The following CRYBG2 variants were observed in gnomAD, a reference collection of about 807,000 sequenced individuals.
The protein encoded by CRYBG2 is beta/gamma crystallin domain-containing protein 2.
CRYBG2 carries 106 observed loss-of-function variants against 153.4 expected under a neutral mutation model. The ratio of observed to expected loss-of-function variants is 0.69; its 90% CI spans 0.59 to 0.81. CRYBG2 has a LOEUF of 0.81. Ranked by LOEUF, CRYBG2 falls within the 30% of genes least tolerant of loss-of-function variation. The probability of loss-of-function intolerance (pLI) is 0.00; values close to 1 mark genes in which losing one functional copy is unlikely to be tolerated. For missense variants in CRYBG2, 1,996 were observed against 2,112.0 expected, an observed-to-expected ratio of 0.95 and a Z score of 1.08; for synonymous variants, 851 against 877.8, an observed-to-expected ratio of 0.97 and a Z score of 0.54.
chr1:26,337,212 G>A, intron 10 of CRYBG2, 41 bp downstream of exon 10: 1 of 1,611,622 alleles, frequency 6.2e-7, no homozygotes, highest in Non-Finnish European at 8.5e-7. Context: ...AGGTCTGGCT[G>A]TGGCCAGAGG....
chr1:26,332,274 TC>T (rs2074005432), intron 14 of CRYBG2, among the ~76,000 whole-genome samples: 1 of 123,048 alleles, frequency 8.1e-6, no homozygotes, highest in Non-Finnish European at 1.6e-5. Context: ...GCCACTACAC[TC>T]CAGCCTGGGC....
At position 26,344,159 on chromosome 1, in the gene CRYBG2, T is replaced by TTCC. The variant is rs199784730; in HGVS notation, c.2496_2498dup (p.Glu833dup). 0.01 allele frequency: 15,897 copies of TTCC among 1,535,088 alleles called. 91 individuals are homozygous for TTCC. Among genetic ancestry groups the TTCC allele is most frequent in the Non-Finnish European group, 0.013 (14,398 of 1,146,098 alleles). ...CGTCACTCAGATAGGGGTTCTCTGG[T>TTCC]TCCTCCTCCTCCTCCTCCTCTTTCT... is the stretch of plus-strand genomic sequence containing the variant. On this transcript the variant is annotated inframe_insertion, in exon 2 of 20. Coordinates refer to ENST00000308182, the MANE Select transcript of CRYBG2 (RefSeq NM_001039775.4).
intron 1 of CRYBG2, among the ~76,000 whole-genome samples, chr1:26,349,241 G>A (rs1030419488): frequency 6.6e-6 from 1 of 152,128 alleles, no homozygotes; most frequent in Non-Finnish European, 1.5e-5. Context: ...GGCTTTACAA[G>A]GCACTCTTCC....
chr1:26,346,771 C>G lies in CRYBG2; in HGVS notation c.-55-59G>C, dbSNP rs1019800187. On this transcript the variant is annotated intron_variant, in intron 1 of 19. Transcript: ENST00000308182. The surrounding 1 kb of genome is among the most constrained non-coding windows in gnomAD (Gnocchi z 4.9). ...GTGGTGAGAGTGGCTTCCTAAAGTG[C>G]AGAATAACCACCCCTACCCAAGTCA... 3 of 1,167,848 alleles carry G rather than the reference C, an allele frequency of 2.6e-6. No homozygotes were observed. Among genetic ancestry groups the G allele is most frequent in the African/African-American group, 1.6e-5 (1 of 64,218 alleles). 72.3% of individuals were successfully genotyped at this position (1,167,848 alleles called of 1,614,324 possible).
In CRYBG2 at chr1:26,331,599, T is replaced by C; in HGVS notation, c.4204A>G (p.Thr1402Ala). The C allele has an allele frequency of 6.2e-7, 1 of 1,613,908 alleles. No individual in the cohort carries two copies. The highest frequency in any genetic ancestry group is 1.1e-5 in the South Asian group (1 of 91,080). ...HGGSWILFDE[T>A]NFEGDQHILS... ...ATGTGCTGGTCACCCTCGAAGTTCGTCTCATCAAACAGGATCCAGCTAGGG... is the reference window on the plus strand; with the variant it reads ...ATGTGCTGGTCACCCTCGAAGTTCGCCTCATCAAACAGGATCCAGCTAGGG... Residue 1402 changes from threonine to alanine, a missense_variant, in exon 15 of 20, where the codon ACG (threonine) becomes GCG (alanine). Physicochemically the swap from Thr to Ala is moderately conservative, Grantham distance 58. Coordinates refer to ENST00000308182, the MANE Select transcript of CRYBG2 (RefSeq NM_001039775.4).
At position 26,336,614 on chromosome 1, in the gene CRYBG2, C is replaced by T. The variant is rs1195908049; in HGVS notation, c.4030G>A (p.Val1344Ile). 6.5e-7 allele frequency: 1 copy of T among 1,549,970 alleles called. No homozygotes were observed. Among genetic ancestry groups the T allele is most frequent in the African/African-American group, 1.4e-5 (1 of 73,134 alleles). Residue 1344 changes from valine to isoleucine, a missense_variant, in exon 12 of 20, where the codon GTC becomes ATC. Coordinates refer to ENST00000308182, the MANE Select transcript of CRYBG2 (RefSeq NM_001039775.4). This position sits in a 1 kb window ranked among gnomAD's most constrained non-coding sequence, Gnocchi z 4.9. ...CCGCGGCCGGCACGCACCTGTAGGA[C>T]CGGCTGCAGCGAGGCGAGGGTGCTG... ...GNSTLASLQP[V>I]LQVGEHDLHF...
chr1:26,327,603 C>T (rs1411123923), intron 17 of CRYBG2, among the ~76,000 whole-genome samples: 2 of 150,452 alleles, frequency 1.3e-5, no homozygotes, highest in African/African-American at 2.5e-5. Context: ...GAGCCGAGAT[C>T]GTGCCATTGC....
At chr1:26,329,800 C>T (rs2073977772) in intron 15 of CRYBG2, among the ~76,000 whole-genome samples, 1 of 152,160 alleles carries the variant, frequency 6.6e-6, no homozygotes. Flanking sequence ...GGCTGGAGTG[C>T]AGTGGCGCAA....
intron 18 of CRYBG2, among the ~76,000 whole-genome samples, chr1:26,322,657 C>G: frequency 6.6e-6 from 1 of 152,214 alleles, no homozygotes; most frequent in East Asian, 1.9e-4. Context: ...AATTACCTAA[C>G]CTCTCTATGC....
intron 15 of CRYBG2, among the ~76,000 whole-genome samples, chr1:26,330,609 G>T (rs1390435083): frequency 4.6e-5 from 7 of 150,626 alleles, no homozygotes; most frequent in Non-Finnish European, 1.0e-4. Flanking sequence ...CGTTATCAGG[G>T]CTAACTGCAA....
chr1:26,348,803 G>T (rs1053012811), intron 1 of CRYBG2, among the ~76,000 whole-genome samples: 8 of 151,282 alleles, frequency 5.3e-5, no homozygotes, highest in Non-Finnish European at 1.0e-4. Context: ...TGATCCACCC[G>T]CCTTGGCCTC....
In CRYBG2 at chr1:26,328,875, T is replaced by C. The variant is rs1196958694; in HGVS notation, c.4315-2A>G. 1 of 1,613,914 alleles carries C rather than the reference T, an allele frequency of 6.2e-7. No homozygotes were observed. The highest frequency in any genetic ancestry group is 1.3e-5 in the African/African-American group (1 of 74,908). ...GAAAATGGAAGGCTCTGAAAAGTGC[T>C]GGGGCCCAGGAGACAGAAGAGGGTG... On this transcript the variant is annotated splice_acceptor_variant, in intron 15 of 19. Coordinates refer to ENST00000308182, the MANE Select transcript of CRYBG2 (RefSeq NM_001039775.4). LOFTEE classifies it high-confidence loss of function.
Position 26,342,803 on chromosome 1 carries a change from C to G in CRYBG2, c.3155G>C (p.Gly1052Ala). The G allele has an allele frequency of 6.2e-7, 1 of 1,614,100 alleles. No homozygotes were observed. The highest frequency in any genetic ancestry group is 8.5e-7 in the Non-Finnish European group (1 of 1,179,980). ...GATGCCTTGGGGACTCCACTTTGTC[C>G]CTGGGGTTCTGAGTTCCATGTCTCC... ...PEGDMELRTPGTKWSPQGIGS... is the reference protein window; with the variant it reads ...PEGDMELRTPATKWSPQGIGS... The change falls in exon 5 of 20, where the codon GGG becomes GCG. Residue 1052 changes from glycine (G) to alanine (A), a missense_variant. Gly to Ala is a moderately conservative substitution (Grantham distance 60, BLOSUM62 0). Coordinates refer to ENST00000308182, the MANE Select transcript of CRYBG2 (RefSeq NM_001039775.4).
In CRYBG2 at chr1:26,343,219, C is replaced by G; in HGVS notation, c.2961+27G>C. 6.4e-7 allele frequency: 1 copy of G among 1,550,612 alleles called. No homozygotes were observed. Among genetic ancestry groups the G allele is most frequent in the Non-Finnish European group, 8.7e-7 (1 of 1,147,008 alleles). ...CCCCAGGCCCCTGCATCCTGCTGCC[C>G]CCACCCACTTGCCCCCACAACCCTA... is the stretch of plus-strand genomic sequence containing the variant. On this transcript the variant is annotated intron_variant, in intron 3 of 19. Coordinates refer to ENST00000308182, the MANE Select transcript of CRYBG2 (RefSeq NM_001039775.4). This position sits in a 1 kb window ranked among gnomAD's most constrained non-coding sequence, Gnocchi z 4.1.
In CRYBG2 at chr1:26,325,131, G is replaced by A. The variant is rs958828790; in HGVS notation, c.4579-821C>T. On this transcript the variant is annotated intron_variant, in intron 17 of 19. Transcript: ENST00000308182. The surrounding 1 kb of genome is among the most constrained non-coding windows in gnomAD (Gnocchi z 4.1). ...TTATTTCCCCATCTGTAAAATGTGA[G>A]GGGTGGAGATAATCTCCAAGATTTC... 1 of 152,202 alleles carries A rather than the reference G, an allele frequency of 6.6e-6. No homozygotes were observed. The highest frequency in any genetic ancestry group is 2.4e-5 in the African/African-American group (1 of 41,460). The allele number at this position is 152,202 out of a possible 1,614,324, so 9.4% of individuals were successfully genotyped here.
rs373534136 is a variant in CRYBG2 at position 26,354,117 on chromosome 1, T to C, written c.-137A>G. The C allele has an allele frequency of 1.9e-4, 74 of 399,540 alleles. No homozygotes were observed. Among genetic ancestry groups the C allele is most frequent in the African/African-American group, 6.4e-4 (31 of 48,740 alleles). The allele number at this position is 399,540 out of a possible 1,614,324, so 24.7% of individuals were successfully genotyped here. A position where few individuals can be genotyped will look rare whatever the true frequency, so the allele number is the denominator to read the frequency against. On this transcript the variant is annotated 5_prime_UTR_variant, in exon 1 of 20. Transcript: ENST00000308182. The stretch of plus-strand genomic sequence containing the variant: ...GCTGGGCCGTGCTCCCCTGATGCGA[T>C]TGGGCTCTCAGCTGGGGTTCCTGAG...
Position 26,345,148 on chromosome 1 carries a change from G to A in CRYBG2, c.1510C>T (p.Pro504Ser). Reference protein sequence around the residue: ...WKEVVKGPGAPAASSPTQKEV... With the variant: ...WKEVVKGPGASAASSPTQKEV... ...TTCTGGGTGGGAGATGAGGCAGCAG[G>A]AGCACCAGGGCCCTTCACGACCTCT... Residue 504 changes from proline (P) to serine (S), a missense_variant, in exon 2 of 20, where the codon CCT (proline) becomes TCT (serine). Coordinates refer to ENST00000308182, the MANE Select transcript of CRYBG2 (RefSeq NM_001039775.4). 8.8e-7 allele frequency: 1 copy of A among 1,136,450 alleles called. No homozygotes were observed. Among genetic ancestry groups the A allele is most frequent in the East Asian group, 2.9e-5 (1 of 34,266 alleles). 70.4% of individuals were successfully genotyped at this position (1,136,450 alleles called of 1,614,324 possible).
chr1:26,336,883 T>G lies in CRYBG2; in HGVS notation c.3869A>C (p.Gln1290Pro). The G allele has an allele frequency of 1.2e-6, 2 of 1,609,722 alleles. No homozygotes were observed. Among genetic ancestry groups the G allele is most frequent in the Non-Finnish European group, 1.7e-6 (2 of 1,178,300 alleles). The change falls in exon 11 of 20, where the codon CAA (glutamine) becomes CCA (proline). Residue 1290 changes from glutamine (Q) to proline (P), a missense_variant. Physicochemically the swap from Gln to Pro is moderately conservative, Grantham distance 76. Transcript: ENST00000308182. The surrounding 1 kb of genome is among the most constrained non-coding windows in gnomAD (Gnocchi z 4.9). ...SKALPDVELV[Q>P]HGPSTQAIHV... Reference sequence around the variant, plus strand: ...GATGGCCTGTGTGCTGGGGCCGTGTTGCACCAGCTCCACATCCGGCAATGC... The same window carrying G: ...GATGGCCTGTGTGCTGGGGCCGTGTGGCACCAGCTCCACATCCGGCAATGC...
Position 26,346,547 on chromosome 1 carries a change from G to C in CRYBG2, c.111C>G (p.His37Gln). Residue 37 changes from histidine to glutamine, a missense_variant, in exon 2 of 20, where the codon CAC becomes CAG. His to Gln is a conservative substitution (Grantham distance 24). Coordinates refer to ENST00000308182, the MANE Select transcript of CRYBG2 (RefSeq NM_001039775.4). The surrounding 1 kb of genome is among the most constrained non-coding windows in gnomAD (Gnocchi z 4.9). The stretch of plus-strand genomic sequence containing the variant: ...GGGCCCCTGACACCAGGGACACCTT[G>C]TGAAAACCATGTTTGATCTCTTCCT... ...PTQEEIKHGF[H>Q]KVSLVSGAQM... is the part of the protein sequence containing the mutation. The C allele has an allele frequency of 3.1e-6, 5 of 1,612,384 alleles. No individual in the cohort carries two copies. In the South Asian group the frequency reaches 5.5e-5, roughly 18 times the overall value.
Sources: allele counts gnomAD v4.1 joint callset (sites outside exome capture counted in the v4.1 genomes callset), GRCh38; gene constraint gnomAD v4.1.1; non-coding constraint Gnocchi (gnomAD v3.1); transcripts MANE v1.5; gene names NCBI Gene and HGNC (gene_info 2026-07-23, HGNC 2026-07-21).